Variants in KCNMA1 observed in about 807,000 individuals in gnomAD.
The protein encoded by KCNMA1 is potassium calcium-activated channel subfamily M alpha 1.
In KCNMA1, 29 loss-of-function variants were observed where a neutral mutation model predicts 140.0. That is an observed-to-expected ratio of 0.21 (90% CI 0.15 to 0.28). The LOEUF is 0.28. KCNMA1 is among the 10% of genes least tolerant of loss of function. KCNMA1 has a pLI of 1.00. For synonymous variants in KCNMA1, 612 were observed against 611.9 expected (o/e 1.00, Z 0.00); for missense variants, 880 against 1,602.2 (o/e 0.55, Z 7.70).
At chr10:77,075,399 A>G (rs2096362240) in intron 13 of KCNMA1, among the ~76,000 whole-genome samples, 1 of 152,260 alleles carries the variant, frequency 6.6e-6, no homozygotes, top group Non-Finnish European at 1.5e-5. Flanking sequence ...TAAGTAATGA[A>G]CAAGTCAAGC....
At chr10:76,872,769 C>G (rs1329058214), downstream of KCNMA1, 1 of 152,234 alleles carries the variant, frequency 6.6e-6, no homozygotes, top group Admixed American at 6.5e-5. Context: ...TGCATTCTTG[C>G]CAGCCTACGC....
intron 1 of KCNMA1, among the ~76,000 whole-genome samples, chr10:77,630,073 G>T (rs1451966422): frequency 6.6e-6 from 1 of 152,184 alleles, no homozygotes; most frequent in Non-Finnish European, 1.5e-5. Flanking sequence ...TGCCACGCGT[G>T]TCCCCCAGTC....
chr10:77,411,986 C>T (rs528275417), intron 1 of KCNMA1, among the ~76,000 whole-genome samples: 3 of 152,324 alleles, frequency 2.0e-5, no homozygotes, highest in South Asian at 2.1e-4. Context: ...CTCTGCCCAG[C>T]GGTCTCCAGC....
chr10:77,372,548 C>G (rs1274608544), intron 2 of KCNMA1, among the ~76,000 whole-genome samples: 1 of 152,186 alleles, frequency 6.6e-6, no homozygotes, highest in East Asian at 1.9e-4. Context: ...CGCCGCAGTC[C>G]TTTGCTCTTG....
At position 77,440,691 on chromosome 10, in the gene KCNMA1, C is replaced by T. The variant is rs188577470; in HGVS notation, c.379-36668G>A. On this transcript the variant is annotated intron_variant, in intron 1 of 27. Coordinates refer to ENST00000286628, the MANE Select transcript of KCNMA1 (RefSeq NM_001161352.2). Reference sequence around the variant, plus strand: ...AAGGGGAGGAAAAAAACCCCTCTACCGTGAGCTCATTCTGAGTTGGAGGAA... The same window carrying T: ...AAGGGGAGGAAAAAAACCCCTCTACTGTGAGCTCATTCTGAGTTGGAGGAA... Among the ~76,000 whole-genome samples the T allele has an allele frequency of 1.2e-4, 18 of 152,338 alleles. No homozygotes were observed. In the East Asian group the frequency reaches 2.1e-3, roughly 18 times the overall value.
At chr10:77,089,225 A>G (rs1443011031) in intron 10 of KCNMA1, among the ~76,000 whole-genome samples, 1 of 152,206 alleles carries the variant, frequency 6.6e-6, no homozygotes, top group African/African-American at 2.4e-5. Flanking sequence ...CTGTGAGCAA[A>G]TGCCAGAGGA....
At chr10:77,241,561 T>C (rs1281818946) in intron 3 of KCNMA1, among the ~76,000 whole-genome samples, 1 of 151,942 alleles carries the variant, frequency 6.6e-6, no homozygotes, top group Non-Finnish European at 1.5e-5. Context: ...GGCAGGAAGA[T>C]TACTTGAGCC....
intron 19 of KCNMA1, among the ~76,000 whole-genome samples, chr10:76,988,525 C>G (rs1359790316): frequency 6.6e-6 from 1 of 152,040 alleles, no homozygotes; most frequent in Non-Finnish European, 1.5e-5. Context: ...GAGGTCCCAT[C>G]TCAAAAAACA....
chr10:76,966,252 G>T (rs2073883648), intron 20 of KCNMA1, among the ~76,000 whole-genome samples: 1 of 152,216 alleles, frequency 6.6e-6, no homozygotes. Context: ...TGGATTCCAT[G>T]TGAGGATTCA....
chr10:77,164,899 T>C (rs2098619708), intron 5 of KCNMA1, among the ~76,000 whole-genome samples: 1 of 152,192 alleles, frequency 6.6e-6, no homozygotes, highest in South Asian at 2.1e-4. Context: ...AGGGATATTT[T>C]CCCTCTTTCA....
intron 2 of KCNMA1, among the ~76,000 whole-genome samples, chr10:77,314,432 C>A (rs1341385645): frequency 1.3e-5 from 2 of 152,136 alleles, no homozygotes; most frequent in Non-Finnish European, 2.9e-5. Context: ...AGTGCTGGGG[C>A]CATAGAGATG....
chr10:77,167,760 C>G (rs1321583751), intron 5 of KCNMA1, among the ~76,000 whole-genome samples: 1 of 151,578 alleles, frequency 6.6e-6, no homozygotes, highest in African/African-American at 2.4e-5. Context: ...ATGATCTTGT[C>G]TCACTGCAGC....
chr10:77,552,683 T>C (rs1386162315), intron 1 of KCNMA1, among the ~76,000 whole-genome samples: 1 of 152,164 alleles, frequency 6.6e-6, no homozygotes, highest in Non-Finnish European at 1.5e-5. Flanking sequence ...TCTTCTTTTC[T>C]TGTGAACACC....
At chr10:76,994,599 A>C (rs117381377) in intron 19 of KCNMA1, among the ~76,000 whole-genome samples, 58 of 152,304 alleles carry the variant, frequency 3.8e-4, no homozygotes, top group Non-Finnish European at 6.5e-4. Context: ...CTAGCCTCAA[A>C]AGAGAAACAT....
chr10:77,529,225 C>T (rs1184122761), intron 1 of KCNMA1, among the ~76,000 whole-genome samples: 1 of 136,048 alleles, frequency 7.4e-6, no homozygotes, highest in South Asian at 2.4e-4. Context: ...TGTGTTCCTG[C>T]CCTCCCCTCT....
intron 5 of KCNMA1, among the ~76,000 whole-genome samples, chr10:77,165,911 C>T (rs1253704797): frequency 1.3e-5 from 2 of 152,338 alleles, no homozygotes; most frequent in Non-Finnish European, 1.5e-5. Context: ...TCCATTCCTA[C>T]TTTCCTTCAC....
intron 2 of KCNMA1, among the ~76,000 whole-genome samples, chr10:77,387,615 T>C (rs1256530437): frequency 6.7e-6 from 1 of 149,466 alleles, no homozygotes; most frequent in Non-Finnish European, 1.5e-5. Flanking sequence ...TTCTTTCTTT[T>C]CTTTTCTTTT....
chr10:76,895,752 G>A (rs2042216969), intron 25 of KCNMA1, among the ~76,000 whole-genome samples: 1 of 152,152 alleles, frequency 6.6e-6, no homozygotes, highest in Non-Finnish European at 1.5e-5. Flanking sequence ...GAGAAATAAA[G>A]GGAAAGAGTA....
At chr10:77,039,677 C>T (rs1448626868) in intron 14 of KCNMA1, 40 bp from the exon 15 acceptor site, 7 of 1,284,976 alleles carry the variant, frequency 5.4e-6, no homozygotes, top group Non-Finnish European at 7.9e-6. Context: ...TAAAATATGA[C>T]GGTGGGCTGT....
Sources: gnomAD v4.1 joint callset for allele counts (sites outside exome capture counted in the v4.1 genomes callset) on GRCh38, gnomAD v4.1.1 for gene constraint, MANE v1.5 for transcripts, NCBI Gene and HGNC (gene_info 2026-07-23, HGNC 2026-07-21) for gene names.